EFNB2: variants seen among roughly 807,000 people sequenced by gnomAD.
EFNB2 encodes ephrin-B2.
In EFNB2, 5 loss-of-function variants were observed where a neutral mutation model predicts 32.1. The ratio of observed to expected loss-of-function variants is 0.16; its 90% CI spans 0.08 to 0.33. EFNB2 has a LOEUF of 0.33. Among genes scored for constraint, EFNB2 ranks in the 10% least tolerant of loss-of-function variants. EFNB2 has a pLI of 1.00. For missense variants in EFNB2, 263 were observed against 422.6 expected, an observed-to-expected ratio of 0.62 and a Z score of 3.31; for synonymous variants, 168 against 166.5, an observed-to-expected ratio of 1.01 and a Z score of -0.07.
At chr13:106,495,675 C>A in intron 3 of EFNB2, 73 bp downstream of exon 3, 2 of 1,414,584 alleles carry the variant, frequency 1.4e-6, no homozygotes, top group Admixed American at 2.1e-5. Flanking sequence ...TGGGCATCGG[C>A]AACATTAGCA....
intron 3 of EFNB2, among the ~76,000 whole-genome samples, chr13:106,495,395 C>A (rs573641938): frequency 1.3e-5 from 2 of 152,288 alleles, no homozygotes; most frequent in East Asian, 3.9e-4. Flanking sequence ...CAGAAATGAG[C>A]AAAACTGCAC....
intron 1 of EFNB2, among the ~76,000 whole-genome samples, chr13:106,526,584 A>AG (rs5806590): frequency 0.25 from 38,177 of 151,952 alleles, 5,106 homozygotes; most frequent in Admixed American, 0.3. Flanking sequence ...TCCCATAGCA[A>AG]GGGGGGGATT....
chr13:106,524,936 T>C (rs1766609499), intron 1 of EFNB2, among the ~76,000 whole-genome samples: 1 of 152,186 alleles, frequency 6.6e-6, no homozygotes, highest in South Asian at 2.1e-4. Flanking sequence ...CAAAATAAAT[T>C]AACATCAAGA....
intron 1 of EFNB2, among the ~76,000 whole-genome samples, chr13:106,513,136 C>T (rs888140625): frequency 3.9e-5 from 6 of 152,140 alleles, no homozygotes; most frequent in Non-Finnish European, 8.8e-5. Flanking sequence ...ACTCTTCCTC[C>T]GTGGTGAGTC....
chr13:106,511,438 G>A (rs1403108898), intron 2 of EFNB2, among the ~76,000 whole-genome samples: 1 of 152,146 alleles, frequency 6.6e-6, no homozygotes, highest in African/African-American at 2.4e-5. Context: ...CTGTGATCAT[G>A]CCACTGCACG....
At chr13:106,533,828 G>A (rs551674319) in intron 1 of EFNB2, among the ~76,000 whole-genome samples, 34 of 152,230 alleles carry the variant, frequency 2.2e-4, no homozygotes, top group African/African-American at 7.2e-4. Context: ...AATATGTTTT[G>A]GCTGTGATTC....
chr13:106,513,220 G>A (rs1481612875), intron 1 of EFNB2, among the ~76,000 whole-genome samples: 2 of 152,134 alleles, frequency 1.3e-5, no homozygotes, highest in Non-Finnish European at 1.5e-5. Flanking sequence ...GAGAAAGCTC[G>A]TCAATTGGAG....
At position 106,529,159 on chromosome 13, in the gene EFNB2, G is replaced by A. The variant is rs527933126; in HGVS notation, c.122+5684C>T. Among the ~76,000 whole-genome samples the A allele has an allele frequency of 6.6e-5, 10 of 152,232 alleles. No individual in the cohort carries two copies. In the South Asian group the frequency reaches 1.0e-3, roughly 16 times the overall value. On this transcript the variant is annotated intron_variant, in intron 1 of 4. Coordinates refer to ENST00000646441, the MANE Select transcript of EFNB2 (RefSeq NM_004093.4). Reference sequence around the variant, plus strand: ...TTTACCTTTGCTTCTCCCATGCAGCGGGAGAGGGAGCTGGGTCTGAAAAGA... The same window carrying A: ...TTTACCTTTGCTTCTCCCATGCAGCAGGAGAGGGAGCTGGGTCTGAAAAGA...
At chr13:106,533,070 T>G (rs917120870) in intron 1 of EFNB2, among the ~76,000 whole-genome samples, 3 of 148,982 alleles carry the variant, frequency 2.0e-5, no homozygotes, top group African/African-American at 7.5e-5. Flanking sequence ...TGCTTTCAAC[T>G]AGATTTAAAC....
At chr13:106,502,419 T>C (rs2138908707) in intron 2 of EFNB2, among the ~76,000 whole-genome samples, 1 of 152,344 alleles carries the variant, frequency 6.6e-6, no homozygotes, top group South Asian at 2.1e-4. Context: ...TAGGACATTC[T>C]ACCCAGAGCT....
At position 106,493,029 on chromosome 13, in the gene EFNB2, C is replaced by G; in HGVS notation, c.*11G>C. 6.3e-7 allele frequency: 1 copy of G among 1,596,004 alleles called. No homozygotes were observed. Among genetic ancestry groups the G allele is most frequent in the Non-Finnish European group, 8.6e-7 (1 of 1,168,900 alleles). On this transcript the variant is annotated 3_prime_UTR_variant, in exon 5 of 5. Transcript: ENST00000646441. This position sits in a 1 kb window ranked among gnomAD's most constrained non-coding sequence, Gnocchi z 6.1. ...TCCTCTGGGAAAGCACAGGTACCAC[C>G]AGGGTCCCTCTCAGACCTTGTAGTA...
intron 1 of EFNB2, among the ~76,000 whole-genome samples, chr13:106,515,639 G>A (rs1225204603): frequency 2.0e-5 from 3 of 152,200 alleles, no homozygotes; most frequent in Non-Finnish European, 4.4e-5. Flanking sequence ...CAATCCTTGA[G>A]TGGTTTAGCA....
intron 2 of EFNB2, among the ~76,000 whole-genome samples, chr13:106,506,956 C>T (rs1371078214): frequency 1.3e-5 from 2 of 152,152 alleles, no homozygotes; most frequent in South Asian, 4.1e-4. Context: ...TGATCTGTTT[C>T]TCTTGGACAG....
intron 2 of EFNB2, among the ~76,000 whole-genome samples, chr13:106,500,888 C>T (rs561963129): frequency 6.6e-6 from 1 of 152,190 alleles, no homozygotes; most frequent in South Asian, 2.1e-4. Flanking sequence ...GAAAGCAAAG[C>T]CGTGACTTTA....
Position 106,524,464 on chromosome 13 carries a change from T to C in EFNB2, c.122+10379A>G, listed in dbSNP as rs1410515982. On this transcript the variant is annotated intron_variant, in intron 1 of 4. Coordinates refer to ENST00000646441, the MANE Select transcript of EFNB2 (RefSeq NM_004093.4). The stretch of plus-strand genomic sequence containing the variant: ...TTTGGCCACAGTCTCCCCGTTGGTA[T>C]TATGGATATATTAAAAGTGCTTCCC... 2.6e-5 allele frequency among the ~76,000 whole-genome samples: 4 copies of C among 152,222 alleles called. No homozygotes were observed. The East Asian group carries it at 7.7e-4, about 29-fold the overall frequency.
Position 106,495,804 on chromosome 13 carries a change from T to G in EFNB2, c.443A>C (p.Gln148Pro). 6.2e-7 allele frequency: 1 copy of G among 1,614,088 alleles called. No individual in the cohort carries two copies. The highest frequency in any genetic ancestry group is 1.1e-5 in the South Asian group (1 of 91,076). ...SNGSLEGLDN[Q>P]EGGVCQTRAM... Reference sequence around the variant, plus strand: ...TCTTGTCTGGCACACCCCTCCCTCCTGGTTATCCAGGCCCTCCAAAGACCC... The same window carrying G: ...TCTTGTCTGGCACACCCCTCCCTCCGGGTTATCCAGGCCCTCCAAAGACCC... Residue 148 changes from glutamine to proline, a missense_variant, in exon 3 of 5, where the codon CAG becomes CCG. Gln to Pro is a moderately conservative substitution (Grantham distance 76, BLOSUM62 -1). Around this residue, in one of 3 missense-constraint regions of EFNB2, gnomAD observed 45 missense variants for 128.6 expected, o/e 0.35. Transcript: ENST00000646441.
chr13:106,534,765 G>A (rs899596950), intron 1 of EFNB2, 78 bp downstream of exon 1: 3 of 1,499,328 alleles, frequency 2.0e-6, no homozygotes, highest in African/African-American at 2.8e-5. Context: ...GAGGCCCCGC[G>A]GACTGACCCC....
At chr13:106,534,692 T>G (rs1226175242) in intron 1 of EFNB2, 151 bp downstream of exon 1, 3 of 861,228 alleles carry the variant, frequency 3.5e-6, no homozygotes, top group Non-Finnish European at 5.1e-6. Context: ...AGTCTCCACC[T>G]AGTGAAATGG....
At chr13:106,534,755 G>C in intron 1 of EFNB2, 88 bp downstream of exon 1, 1 of 1,450,020 alleles carries the variant, frequency 6.9e-7, no homozygotes. Flanking sequence ...AACAGGCTCC[G>C]AGGCCCCGCG....
Sources: allele counts gnomAD v4.1 joint callset (sites outside exome capture counted in the v4.1 genomes callset), GRCh38; gene constraint gnomAD v4.1.1; regional missense constraint gnomAD v4.1.1; non-coding constraint Gnocchi (gnomAD v3.1); transcripts MANE v1.5; gene names NCBI Gene and HGNC (gene_info 2026-07-23, HGNC 2026-07-21).